TSPAN7: variants seen among roughly 807,000 people sequenced by gnomAD.
TSPAN7 encodes tetraspanin 7, also known as tetraspanin-7.
In TSPAN7, 1 loss-of-function variant was observed where a neutral mutation model predicts 17.6. The ratio of observed to expected loss-of-function variants is 0.06; its 90% CI spans 0.02 to 0.27. The LOEUF (loss-of-function observed/expected upper bound fraction) is 0.27, where lower values mean the gene tolerates loss of function less well. Among genes scored for constraint, TSPAN7 ranks in the 10% least tolerant of loss-of-function variants. The pLI is 1.00. For missense variants in TSPAN7, 112 were observed against 201.7 expected (o/e 0.56, Z 2.69); for synonymous variants, 78 against 79.0 (o/e 0.99, Z 0.07).
At chrX:38,580,606 G>A (rs1267776668) in intron 1 of TSPAN7, among the ~76,000 whole-genome samples, 1 of 112,104 alleles carries the variant, frequency 8.9e-6, no homozygotes, top group Non-Finnish European at 1.9e-5. Flanking sequence ...AGGTTATTGT[G>A]ATGTTGTTAC....
At chrX:38,659,437 T>C (rs1172501675) in intron 1 of TSPAN7, among the ~76,000 whole-genome samples, 1 of 111,769 alleles carries the variant, frequency 8.9e-6, no homozygotes, top group East Asian at 2.8e-4. Context: ...TCAGCGTGAC[T>C]GAGTGTGTCA....
chrX:38,630,290 T>C (rs144007653), intron 1 of TSPAN7, among the ~76,000 whole-genome samples: 3,979 of 112,287 alleles, frequency 0.035, 181 homozygotes, highest in African/African-American at 0.12. Flanking sequence ...ATGGATATAT[T>C]GCTCTGTTCT....
chrX:38,565,244 G>GTTTT (rs2069135897), intron 1 of TSPAN7, among the ~76,000 whole-genome samples: 1 of 111,682 alleles, frequency 9.0e-6, no homozygotes, highest in African/African-American at 3.3e-5. Context: ...TTGTTTGTTT[G>GTTTT]TTCGAGGCAG....
chrX:38,673,813 A>G (rs2069837097), intron 3 of TSPAN7, among the ~76,000 whole-genome samples: 1 of 111,338 alleles, frequency 9.0e-6, no homozygotes, highest in Admixed American at 9.5e-5. Context: ...CATCCTGTCC[A>G]CCCAAGTGGT....
intron 6 of TSPAN7, among the ~76,000 whole-genome samples, chrX:38,681,526 A>G (rs1469941379): frequency 8.9e-6 from 1 of 112,451 alleles, no homozygotes; most frequent in Non-Finnish European, 1.9e-5. Flanking sequence ...CAGAAAAACA[A>G]CTGGCTACTT....
rs377555261 is a variant in TSPAN7, at chrX:38,624,905, A to T, written c.82-41216A>T. 5.3e-5 allele frequency among the ~76,000 whole-genome samples: 6 copies of T among 112,658 alleles called. No individual in the cohort carries two copies. The South Asian group carries it at 1.1e-3, about 21-fold the overall frequency. On this transcript the variant is annotated intron_variant, in intron 1 of 7. Coordinates refer to ENST00000378482, the MANE Select transcript of TSPAN7 (RefSeq NM_004615.4). ...TAAAGCTCCCCAGATGATTTTTAAT[A>T]TACAACTAAGGTTTGAGAGTTTCTA...
intron 1 of TSPAN7, among the ~76,000 whole-genome samples, chrX:38,605,734 C>G (rs2069377273): frequency 9.1e-6 from 1 of 109,722 alleles, no homozygotes; most frequent in African/African-American, 3.3e-5. Flanking sequence ...TGGAACAGAA[C>G]AGAGCCCTCA....
At chrX:38,587,314 A>G (rs1205129905) in intron 1 of TSPAN7, among the ~76,000 whole-genome samples, 1 of 112,231 alleles carries the variant, frequency 8.9e-6, no homozygotes, top group Non-Finnish European at 1.9e-5. Flanking sequence ...GTTCACATTT[A>G]TGATCTGTGG....
intron 1 of TSPAN7, among the ~76,000 whole-genome samples, chrX:38,574,967 A>G (rs2069186383): frequency 9.0e-6 from 1 of 110,967 alleles, no homozygotes; most frequent in Non-Finnish European, 1.9e-5. Flanking sequence ...CTATGTGTGC[A>G]TGATTTTATT....
intron 1 of TSPAN7, among the ~76,000 whole-genome samples, chrX:38,636,569 A>T (rs2069580732): frequency 8.9e-6 from 1 of 112,069 alleles, no homozygotes; most frequent in South Asian, 3.8e-4. Flanking sequence ...CCAGCAGTAG[A>T]GGACAGTGCT....
In TSPAN7 at chrX:38,675,694, C is replaced by T. The variant is rs1362254288; in HGVS notation, c.442-11C>T. 2 of 1,210,770 alleles carry T rather than the reference C, an allele frequency of 1.7e-6. No homozygotes were observed. The highest frequency in any genetic ancestry group is 2.2e-5 in the Admixed American group (1 of 45,912). On this transcript the variant is annotated splice_polypyrimidine_tract_variant and intron_variant, in intron 4 of 7. Transcript: ENST00000378482. ...GCCATTTTTTTATTCTTTTCCTTTC[C>T]CTGTTAATAGCTGAGCTGCTGTGGT...
chrX:38,636,820 C>T (rs2069583079), intron 1 of TSPAN7, among the ~76,000 whole-genome samples: 1 of 111,057 alleles, frequency 9.0e-6, no homozygotes, highest in African/African-American at 3.3e-5. Flanking sequence ...GGATTACAGG[C>T]ATCTGCCACC....
At chrX:38,611,834 G>C (rs752958915) in intron 1 of TSPAN7, among the ~76,000 whole-genome samples, 1 of 111,730 alleles carries the variant, frequency 9.0e-6, no homozygotes, top group South Asian at 3.8e-4. Flanking sequence ...CACACCCCCA[G>C]TTTAAGAAAT....
At chrX:38,588,328 T>C (rs1199819173) in intron 1 of TSPAN7, among the ~76,000 whole-genome samples, 1 of 111,357 alleles carries the variant, frequency 9.0e-6, no homozygotes, top group Admixed American at 9.6e-5. Flanking sequence ...ACTGGAGCAC[T>C]GAAACATTTA....
chrX:38,685,028 C>G (rs1346577097), intron 6 of TSPAN7, among the ~76,000 whole-genome samples: 3 of 111,538 alleles, frequency 2.7e-5, no homozygotes, highest in African/African-American at 9.8e-5. Context: ...CTATTACTAC[C>G]CATCCATTTT....
At chrX:38,685,573 T>C (rs763148723) in intron 6 of TSPAN7, among the ~76,000 whole-genome samples, 2 of 112,068 alleles carry the variant, frequency 1.8e-5, no homozygotes, top group South Asian at 7.5e-4. Context: ...TGAGCCGAGA[T>C]TGCACCACTG....
intron 1 of TSPAN7, among the ~76,000 whole-genome samples, chrX:38,584,511 T>C (rs1015050085): frequency 2.7e-5 from 3 of 111,673 alleles, no homozygotes; most frequent in African/African-American, 9.8e-5. Context: ...ATTTCTCTTA[T>C]CCAAATTGAT....
chrX:38,570,810 T>G (rs1457278175), intron 1 of TSPAN7: 4 of 111,953 alleles, frequency 3.6e-5, no homozygotes, highest in African/African-American at 1.3e-4. Context: ...CATGACAGAA[T>G]GATTTTCATT....
intron 1 of TSPAN7, among the ~76,000 whole-genome samples, chrX:38,628,180 G>A (rs1440475821): frequency 8.9e-6 from 1 of 112,557 alleles, no homozygotes; most frequent in East Asian, 2.8e-4. Context: ...CACAATGCCC[G>A]CTGTGGGGCA....
Sources: allele counts gnomAD v4.1 joint callset (sites outside exome capture counted in the v4.1 genomes callset), GRCh38; gene constraint gnomAD v4.1.1; transcripts MANE v1.5; gene names NCBI Gene and HGNC (gene_info 2026-07-23, HGNC 2026-07-21).